CFAP46: variants seen among roughly 807,000 people sequenced by gnomAD.
The protein encoded by CFAP46 is cilia- and flagella-associated protein 46.
A neutral mutation model predicts 325.7 loss-of-function variants in CFAP46; 245 were observed. The observed-to-expected ratio is 0.75, with a 90% CI of 0.68 to 0.84. The LOEUF (loss-of-function observed/expected upper bound fraction) is 0.84. Ranked by LOEUF, CFAP46 falls within the 40% of genes least tolerant of loss-of-function variation. The probability of loss-of-function intolerance (pLI) is 0.00; values close to 1 mark genes in which losing one functional copy is unlikely to be tolerated. For missense variants in CFAP46, 3,346 were observed against 3,543.0 expected (o/e 0.94, Z 1.41); for synonymous variants, 1,523 against 1,495.9 (o/e 1.02, Z -0.42).
At chr10:132,930,624 TCCC>T (rs1849882328) in intron 8 of CFAP46, among the ~76,000 whole-genome samples, 2 of 104,786 alleles carry the variant, frequency 1.9e-5, no homozygotes, top group African/African-American at 3.9e-5. Flanking sequence ...AGCCTGGGCC[TCCC>T]TCCTCTCCAC....
At chr10:132,879,386 G>C in intron 29 of CFAP46, 40 bp downstream of exon 29, 10 of 1,448,190 alleles carry the variant, frequency 6.9e-6, no homozygotes, top group Non-Finnish European at 9.1e-6. Flanking sequence ...CCCGTCCCGG[G>C]AGGTGCTGCA....
At chr10:132,902,659 T>C (rs1398506773) in intron 22 of CFAP46, among the ~76,000 whole-genome samples, 2 of 152,234 alleles carry the variant, frequency 1.3e-5, no homozygotes, top group Non-Finnish European at 2.9e-5. Context: ...TTCTTCCTGG[T>C]TATGAGCCAC....
rs539073693 is a variant in CFAP46 at position 132,919,099 on chromosome 10, G to A, written c.1858+216C>T. 4.7e-3 allele frequency among the ~76,000 whole-genome samples: 717 copies of A among 152,354 alleles called. 1 individual carries two copies. Among genetic ancestry groups the A allele is most frequent in the Admixed American group, 0.012 (180 of 15,312 alleles). ...CCAGTGACTGAAGATGGAGTGTGACGACGGTGCTCGTGGCTCGGCCGACAC... is the reference window on the plus strand; with the variant it reads ...CCAGTGACTGAAGATGGAGTGTGACAACGGTGCTCGTGGCTCGGCCGACAC... On this transcript the variant is annotated intron_variant, in intron 15 of 57. Coordinates refer to ENST00000368586, the MANE Select transcript of CFAP46 (RefSeq NM_001200049.3). The surrounding 1 kb of genome is among the most constrained non-coding windows in gnomAD (Gnocchi z 9.7).
At chr10:132,822,213 G>A in intron 50 of CFAP46, among the ~76,000 whole-genome samples, 1 of 137,270 alleles carries the variant, frequency 7.3e-6, no homozygotes. Context: ...TGTGTGTGCT[G>A]ATGTGTGCTG....
chr10:132,840,154 A>C (rs534319312), intron 44 of CFAP46, among the ~76,000 whole-genome samples: 1 of 152,188 alleles, frequency 6.6e-6, no homozygotes, highest in Non-Finnish European at 1.5e-5. Flanking sequence ...ACAGACACCG[A>C]ATCATTTGGA....
At chr10:132,938,979 C>T (rs1850057351) in intron 4 of CFAP46, among the ~76,000 whole-genome samples, 1 of 152,198 alleles carries the variant, frequency 6.6e-6, no homozygotes, top group Non-Finnish European at 1.5e-5. Context: ...GTCCGACGTG[C>T]CATGGCTCCA....
At chr10:132,893,168 C>T (rs1490078943) in intron 24 of CFAP46, among the ~76,000 whole-genome samples, 1 of 152,234 alleles carries the variant, frequency 6.6e-6, no homozygotes, top group Admixed American at 6.5e-5. Context: ...TAAGGGACCA[C>T]CTCAACTGAG....
At chr10:132,825,610 A>G (rs1245415905) in intron 50 of CFAP46, among the ~76,000 whole-genome samples, 1 of 152,256 alleles carries the variant, frequency 6.6e-6, no homozygotes, top group Non-Finnish European at 1.5e-5. Context: ...GCTATTAAGA[A>G]AAAGATTGAT....
intron 39 of CFAP46, among the ~76,000 whole-genome samples, chr10:132,856,547 T>C (rs924622057): frequency 2.0e-5 from 3 of 152,242 alleles, no homozygotes; most frequent in African/African-American, 7.2e-5. Flanking sequence ...TCTGTTGCTA[T>C]GTCTCTAAGT....
At chr10:132,829,100 A>C (rs966859610) in intron 50 of CFAP46, among the ~76,000 whole-genome samples, 3 of 140,526 alleles carry the variant, frequency 2.1e-5, no homozygotes, top group African/African-American at 9.2e-5. Flanking sequence ...AAAAAAAAAA[A>C]CATCCTGTGG....
At chr10:132,831,249 A>G (rs1848142753) in intron 50 of CFAP46, among the ~76,000 whole-genome samples, 1 of 80,500 alleles carries the variant, frequency 1.2e-5, no homozygotes, top group African/African-American at 6.8e-5. Flanking sequence ...TGTGTGTGTA[A>G]AGTGTACATT....
At chr10:132,844,171 A>G (rs1216110490) in intron 44 of CFAP46, among the ~76,000 whole-genome samples, 76 of 56,394 alleles carry the variant, frequency 1.3e-3, no homozygotes, top group Admixed American at 2.6e-3. Context: ...TCTGCTCTCA[A>G]TGGGCGTTCC....
intron 50 of CFAP46, among the ~76,000 whole-genome samples, chr10:132,821,740 T>C (rs1190792761): frequency 7.9e-6 from 1 of 126,036 alleles, no homozygotes; most frequent in Non-Finnish European, 1.7e-5. Flanking sequence ...GTGCTGTGTG[T>C]GCGCTGATGT....
At chr10:132,902,226 C>A (rs948439575) in intron 22 of CFAP46, among the ~76,000 whole-genome samples, 2 of 138,296 alleles carry the variant, frequency 1.4e-5, no homozygotes, top group Non-Finnish European at 3.1e-5. Flanking sequence ...TCCTGAGACT[C>A]CAGTTACACT....
Position 132,876,787 on chromosome 10 carries a change from G to C in CFAP46, c.4362+25C>G. 4 of 1,544,116 alleles carry C rather than the reference G, an allele frequency of 2.6e-6. No individual in the cohort carries two copies. The highest frequency in any genetic ancestry group is 3.5e-6 in the Non-Finnish European group (4 of 1,144,804). On this transcript the variant is annotated intron_variant, in intron 31 of 57. Transcript: ENST00000368586. This position sits in a 1 kb window ranked among gnomAD's most constrained non-coding sequence, Gnocchi z 4.1. ...GACACCATGCTGTGACCAAGGTCTT[G>C]AGCCTTTTCTTTATGTCAACGTACC... is the stretch of plus-strand genomic sequence containing the variant.
In CFAP46 at chr10:132,832,395, C is replaced by G. The variant is rs530737883; in HGVS notation, c.7117+963G>C. Among the ~76,000 whole-genome samples the G allele has an allele frequency of 1.7e-3, 237 of 140,898 alleles. 8 individuals carry two copies. The highest frequency in any genetic ancestry group is 2.0e-3 in the African/African-American group (75 of 37,742). The allele number at this position is 140,898 out of a possible 152,430, so 92.4% of individuals were successfully genotyped here. On this transcript the variant is annotated intron_variant, in intron 50 of 57. Coordinates refer to ENST00000368586, the MANE Select transcript of CFAP46 (RefSeq NM_001200049.3). The surrounding 1 kb of genome is among the most constrained non-coding windows in gnomAD (Gnocchi z 4.1). ...GACCCCTGGGCTCTTCCTGCCCCCC[C>G]CCCCCAATGCTGTGGCCTGGAAATT...
Position 132,853,419 on chromosome 10 carries a change from A to C in CFAP46, c.5575-2114T>G, listed in dbSNP as rs140236744. Among the ~76,000 whole-genome samples the C allele has an allele frequency of 3.3e-4, 50 of 152,254 alleles. 1 individual carries two copies. In the East Asian group the frequency reaches 7.1e-3, roughly 22 times the overall value. On this transcript the variant is annotated intron_variant, in intron 39 of 57. Coordinates refer to ENST00000368586, the MANE Select transcript of CFAP46 (RefSeq NM_001200049.3). ...TTATGATGTATTATCCTTTTTATAT[A>C]TTGTGGGATTTAATTTGCTAAAATT... is the stretch of plus-strand genomic sequence containing the variant.
intron 20 of CFAP46, 33 bp from the exon 21 acceptor site, chr10:132,909,277 C>T: frequency 6.8e-7 from 1 of 1,473,040 alleles, no homozygotes; most frequent in Non-Finnish European, 9.3e-7. Flanking sequence ...TGTATCAGCC[C>T]AAGCGTGCGG....
chr10:132,914,094 G>C (rs868557110), intron 17 of CFAP46, among the ~76,000 whole-genome samples: 92 of 93,180 alleles, frequency 9.9e-4, no homozygotes, highest in African/African-American at 2.7e-3. Flanking sequence ...CTGCACCCCG[G>C]CCCGAGGCTG....
Sources: allele counts gnomAD v4.1 joint callset (sites outside exome capture counted in the v4.1 genomes callset), GRCh38; gene constraint gnomAD v4.1.1; non-coding constraint Gnocchi (gnomAD v3.1); transcripts MANE v1.5; gene names NCBI Gene and HGNC (gene_info 2026-07-23, HGNC 2026-07-21).